MYCBP: variants seen among roughly 807,000 people sequenced by gnomAD.
MYCBP encodes MYC binding protein.
A neutral mutation model predicts 16.8 loss-of-function variants in MYCBP; 5 were observed. That is an observed-to-expected ratio of 0.30 (90% CI 0.16 to 0.63). The LOEUF is 0.63. Among genes scored for constraint, MYCBP ranks in the 20% least tolerant of loss-of-function variants. The pLI is 0.83. For missense variants in MYCBP, 103 were observed against 121.8 expected (o/e 0.85, Z 0.73); for synonymous variants, 35 against 43.7 (o/e 0.80, Z 0.79).
intron 4 of MYCBP, among the ~76,000 whole-genome samples, chr1:38,866,179 G>C (rs746543405): frequency 8.7e-5 from 13 of 149,690 alleles, no homozygotes; most frequent in Non-Finnish European, 1.6e-4. Context: ...CTCCCAAGTA[G>C]CTGAGATTAC....
chr1:38,866,775 G>A, intron 4 of MYCBP, 105 bp downstream of exon 4: 7 of 940,594 alleles, frequency 7.4e-6, no homozygotes, highest in Non-Finnish European at 1.1e-5. Context: ...AATTCAAATT[G>A]ATATTCACCC....
In MYCBP at chr1:38,864,610, A is replaced by G. The variant is rs190835595; in HGVS notation, c.*60T>C. ...ATCTGTTCAGAAAAGATTATATACTATACAAACTATTCAAGTCATACAAAA... is the reference window on the plus strand; with the variant it reads ...ATCTGTTCAGAAAAGATTATATACTGTACAAACTATTCAAGTCATACAAAA... On this transcript the variant is annotated 3_prime_UTR_variant, in exon 5 of 5. Coordinates refer to ENST00000397572, the MANE Select transcript of MYCBP (RefSeq NM_012333.5). 63 of 1,520,880 alleles carry G rather than the reference A, an allele frequency of 4.1e-5. 1 individual carries two copies. In the African/African-American group the frequency reaches 4.9e-4, roughly 12 times the overall value. The allele number at this position is 1,520,880 out of a possible 1,614,324, so 94.2% of individuals were successfully genotyped here.
Position 38,864,517 on chromosome 1 carries a change from T to C in MYCBP, c.*153A>G. ...CAAAGAAAGTTATATTGAGTTTTTA[T>C]TGATGATTCTATGTGTTTTTAACAG... On this transcript the variant is annotated 3_prime_UTR_variant, in exon 5 of 5. Transcript: ENST00000397572. The C allele has an allele frequency of 3.8e-6, 3 of 782,774 alleles. No homozygotes were observed. The highest frequency in any genetic ancestry group is 4.2e-6 in the Non-Finnish European group (2 of 480,052). The allele number at this position is 782,774 out of a possible 1,614,324, so 48.5% of individuals were successfully genotyped here.
chr1:38,872,490 T>C (rs1642486110), intron 2 of MYCBP: 1 of 153,896 alleles, frequency 6.5e-6, no homozygotes, highest in South Asian at 2.0e-4. Context: ...CTTTATGAAA[T>C]ATACACAAAA....
At chr1:38,871,636 C>T (rs1329165489) in intron 2 of MYCBP, among the ~76,000 whole-genome samples, 4 of 101,844 alleles carry the variant, frequency 3.9e-5, no homozygotes, top group Non-Finnish European at 8.2e-5. Context: ...TGGTCTTGAG[C>T]TCCTGGCCTC....
chr1:38,864,377 C>T lies in MYCBP; in HGVS notation c.*293G>A. 1 of 416,412 alleles carries T rather than the reference C, an allele frequency of 2.4e-6. No homozygotes were observed. The highest frequency in any genetic ancestry group is 4.4e-6 in the Non-Finnish European group (1 of 225,260). 25.8% of individuals were successfully genotyped at this position (416,412 alleles called of 1,614,324 possible). On this transcript the variant is annotated 3_prime_UTR_variant, in exon 5 of 5. Transcript: ENST00000397572. ...TAAACTGTCTTGGCTAAAATACAAC[C>T]AGTGCCATCATTCCTAATCAGACTA... is the stretch of plus-strand genomic sequence containing the variant.
intron 4 of MYCBP, among the ~76,000 whole-genome samples, chr1:38,865,779 G>T (rs146211503): frequency 1.3e-5 from 2 of 152,058 alleles, no homozygotes; most frequent in African/African-American, 4.8e-5. Context: ...ACAAGCCTGG[G>T]TAACAGAGAA....
intron 2 of MYCBP, 43 bp downstream of exon 2, chr1:38,872,975 G>T: frequency 1.9e-6 from 3 of 1,548,490 alleles, no homozygotes; most frequent in Non-Finnish European, 2.6e-6. Flanking sequence ...GCGCCGGGGA[G>T]CACGACGAGG....
In MYCBP at chr1:38,866,774, T is replaced by G; in HGVS notation, c.267+106A>C. 6.4e-6 allele frequency: 6 copies of G among 943,042 alleles called. No homozygotes were observed. In the South Asian group the frequency reaches 9.4e-5, roughly 15 times the overall value. The allele number at this position is 943,042 out of a possible 1,614,324, so 58.4% of individuals were successfully genotyped here. A position where few individuals can be genotyped will look rare whatever the true frequency, so the allele number is the denominator to read the frequency against. The stretch of plus-strand genomic sequence containing the variant: ...GCCTTACATTGTAATTAATTCAAAT[T>G]GATATTCACCCACCTCCCTCCCCTC... On this transcript the variant is annotated intron_variant, in intron 4 of 4. Transcript: ENST00000397572.
chr1:38,864,962 G>A (rs1361954377), intron 4 of MYCBP, among the ~76,000 whole-genome samples: 1 of 152,108 alleles, frequency 6.6e-6, no homozygotes, highest in African/African-American at 2.4e-5. Flanking sequence ...GTTCATGACT[G>A]CACTGTTCAA....
chr1:38,873,108 G>T lies in MYCBP; in HGVS notation c.16-18C>A. The T allele has an allele frequency of 6.4e-7, 1 of 1,556,538 alleles. No homozygotes were observed. The highest frequency in any genetic ancestry group is 2.4e-5 in the East Asian group (1 of 41,120). ...TCGGCGGCCTGAAGAGACACCGGGG[G>T]TCAGTGGCCAGAGCCCGGGAGCCGA... On this transcript the variant is annotated intron_variant, in intron 1 of 4. Coordinates refer to ENST00000397572, the MANE Select transcript of MYCBP (RefSeq NM_012333.5).
rs577682680 is a variant in MYCBP, at chr1:38,864,784, TA to T, written c.268-71del. ...TTGAGTAAAAAATAGTAAAACAAGG[TA>T]ACTGTTATATTCAACTTAGTTACTG... On this transcript the variant is annotated intron_variant, in intron 4 of 4. Coordinates refer to ENST00000397572, the MANE Select transcript of MYCBP (RefSeq NM_012333.5). 94 of 1,411,984 alleles carry T rather than the reference TA, an allele frequency of 6.7e-5. No homozygotes were observed. In the East Asian group the frequency reaches 2.1e-3, roughly 31 times the overall value. The allele number at this position is 1,411,984 out of a possible 1,614,324, so 87.5% of individuals were successfully genotyped here.
intron 4 of MYCBP, among the ~76,000 whole-genome samples, chr1:38,866,409 TTTTC>T (rs1436593611): frequency 6.6e-5 from 10 of 150,414 alleles, no homozygotes; most frequent in South Asian, 6.3e-4. Flanking sequence ...TGTCTTGCGG[TTTTC>T]TTTTTTTTTT....
chr1:38,863,229 G>A lies in MYCBP; in HGVS notation c.*1441C>T, dbSNP rs1642276100. 1 of 152,188 alleles carries A rather than the reference G, an allele frequency of 6.6e-6. No homozygotes were observed. The highest frequency in any genetic ancestry group is 2.1e-4 in the South Asian group (1 of 4,828). 9.4% of individuals were successfully genotyped at this position (152,188 alleles called of 1,614,324 possible). On this transcript the variant is annotated 3_prime_UTR_variant, in exon 5 of 5. Transcript: ENST00000397572. ...CCATAGCCACATTCCTACTAACAGG[G>A]CTGATTTAAATGCCCTTTTTATTGG...
intron 3 of MYCBP, 79 bp downstream of exon 3, chr1:38,867,483 A>C (rs1333744702): frequency 8.7e-7 from 1 of 1,147,960 alleles, no homozygotes; most frequent in Non-Finnish European, 1.3e-6. Flanking sequence ...CTCAATATTC[A>C]GAAGTATTTT....
intron 4 of MYCBP, 70 bp from the exon 5 acceptor site, chr1:38,864,784 T>TA: frequency 7.1e-7 from 1 of 1,411,984 alleles, no homozygotes; most frequent in Non-Finnish European, 1.0e-6. Flanking sequence ...TAAAACAAGG[T>TA]AACTGTTATA....
upstream of MYCBP, chr1:38,873,376 C>T: frequency 1.3e-6 from 2 of 1,555,836 alleles, no homozygotes; most frequent in Non-Finnish European, 1.7e-6. Context: ...ACTGCTCATG[C>T]GCGGAAGGGG....
intron 2 of MYCBP, among the ~76,000 whole-genome samples, chr1:38,871,426 A>AATT (rs1642464222): frequency 1.1e-5 from 1 of 87,204 alleles, no homozygotes. Flanking sequence ...CCCACCTGTC[A>AATT]CTTTTTTTTT....
intron 2 of MYCBP, among the ~76,000 whole-genome samples, chr1:38,871,822 G>A (rs1642473204): frequency 6.6e-6 from 1 of 152,050 alleles, no homozygotes; most frequent in East Asian, 1.9e-4. Context: ...TAGGATATAA[G>A]CTTATGAGAG....
Sources: allele counts gnomAD v4.1 joint callset (sites outside exome capture counted in the v4.1 genomes callset), GRCh38; gene constraint gnomAD v4.1.1; transcripts MANE v1.5; gene names NCBI Gene and HGNC (gene_info 2026-07-23, HGNC 2026-07-21).